KCNQ5: variants seen among roughly 807,000 people sequenced by gnomAD.
The protein encoded by KCNQ5 is potassium voltage-gated channel subfamily KQT member 5.
A neutral mutation model predicts 98.2 loss-of-function variants in KCNQ5; 30 were observed. The observed-to-expected ratio is 0.31, with a 90% CI of 0.23 to 0.41. The LOEUF is 0.41. Ranked by LOEUF, KCNQ5 falls within the 10% of genes least tolerant of loss-of-function variation. The pLI is 1.00. For synonymous variants in KCNQ5, 458 were observed against 449.4 expected (o/e 1.02, Z -0.24); for missense variants, 835 against 1,182.5 (o/e 0.71, Z 4.31).
chr6:72,971,170 C>T (rs1336566865), intron 1 of KCNQ5, among the ~76,000 whole-genome samples: 1 of 152,178 alleles, frequency 6.6e-6, no homozygotes, highest in Non-Finnish European at 1.5e-5. Flanking sequence ...ACAACCCCAT[C>T]AACATGTGGG....
chr6:72,710,263 C>T (rs1324171108), intron 1 of KCNQ5, among the ~76,000 whole-genome samples: 1 of 152,182 alleles, frequency 6.6e-6, no homozygotes, highest in Non-Finnish European at 1.5e-5. Flanking sequence ...ATTTATTTAA[C>T]TCTCAATGTA....
At chr6:72,843,962 C>T (rs1776913262) in intron 1 of KCNQ5, among the ~76,000 whole-genome samples, 1 of 152,072 alleles carries the variant, frequency 6.6e-6, no homozygotes, top group African/African-American at 2.4e-5. Flanking sequence ...ACAATGAGAA[C>T]ACATGGACAC....
At chr6:73,184,570 C>T (rs1778503166) in intron 11 of KCNQ5, among the ~76,000 whole-genome samples, 1 of 152,128 alleles carries the variant, frequency 6.6e-6, no homozygotes, top group African/African-American at 2.4e-5. Context: ...TAATACTTGC[C>T]AGGGATTATG....
chr6:73,000,469 GA>G (rs891712443), intron 1 of KCNQ5, among the ~76,000 whole-genome samples: 8 of 151,950 alleles, frequency 5.3e-5, no homozygotes, highest in African/African-American at 7.2e-5. Context: ...TTTCTAGGGG[GA>G]AAAAAATACT....
In KCNQ5 at chr6:72,705,681, T is replaced by A. The variant is rs567870444; in HGVS notation, c.398+83094T>A. On this transcript the variant is annotated intron_variant, in intron 1 of 13. Transcript: ENST00000370398. ...TGTAATCTCTTCCCCTGTAGGATTT[T>A]GTGGTCCCTTTAAAAAATAAGGTAG... Among the ~76,000 whole-genome samples, 130 of 152,144 alleles carry A rather than the reference T, an allele frequency of 8.5e-4. 1 individual carries two copies. The highest frequency in any genetic ancestry group is 3.0e-3 in the African/African-American group (124 of 41,550).
chr6:73,182,071 C>T (rs1778419955), intron 11 of KCNQ5, among the ~76,000 whole-genome samples: 2 of 152,170 alleles, frequency 1.3e-5, no homozygotes, highest in Non-Finnish European at 2.9e-5. Context: ...TCTGCTTCTT[C>T]CCCAGGCCAG....
chr6:72,714,664 C>T (rs1769549797), intron 1 of KCNQ5, among the ~76,000 whole-genome samples: 2 of 152,194 alleles, frequency 1.3e-5, no homozygotes, highest in Admixed American at 1.3e-4. Flanking sequence ...AGTGCTTTCA[C>T]TGATGACCAT....
At position 72,622,203 on chromosome 6, in the gene KCNQ5, A is replaced by G; in HGVS notation, c.14A>G (p.His5Arg). 2 of 1,225,184 alleles carry G rather than the reference A, an allele frequency of 1.6e-6. No individual in the cohort carries two copies. Among genetic ancestry groups the G allele is most frequent in the Non-Finnish European group, 2.0e-6 (2 of 984,150 alleles). 75.9% of individuals were successfully genotyped at this position (1,225,184 alleles called of 1,614,324 possible). Residue 5 changes from histidine (H) to arginine (R), a missense_variant, in exon 1 of 14, where the codon CAC (histidine) becomes CGC (arginine). Physicochemically the swap from His to Arg is conservative, Grantham distance 29 (BLOSUM62 0). Coordinates refer to ENST00000370398, the MANE Select transcript of KCNQ5 (RefSeq NM_019842.4). The surrounding 1 kb of genome is among the most constrained non-coding windows in gnomAD (Gnocchi z 6.0). The stretch of plus-strand genomic sequence containing the variant: ...CGTGGTGATGCCATGCCCCGCCACC[A>G]CGCGGGAGGAGAGGAGGGCGGCGCC... MPRH[H>R]AGGEEGGAAG...
rs563002000 is a variant in KCNQ5, at chr6:72,709,424, A to G, written c.398+86837A>G. Reference sequence around the variant, plus strand: ...TATTTCTAGAAATATAAATTCTGTCATTCTCTTTTCTCCTGTAATTTACAT... The same window carrying G: ...TATTTCTAGAAATATAAATTCTGTCGTTCTCTTTTCTCCTGTAATTTACAT... On this transcript the variant is annotated intron_variant, in intron 1 of 13. Coordinates refer to ENST00000370398, the MANE Select transcript of KCNQ5 (RefSeq NM_019842.4). 1.8e-4 allele frequency among the ~76,000 whole-genome samples: 28 copies of G among 152,326 alleles called. No homozygotes were observed. In the East Asian group the frequency reaches 4.6e-3, roughly 25 times the overall value.
intron 1 of KCNQ5, among the ~76,000 whole-genome samples, chr6:72,626,269 G>C (rs2098917946): frequency 6.6e-6 from 1 of 152,246 alleles, no homozygotes; most frequent in Non-Finnish European, 1.5e-5. Context: ...CTTCAAAGGG[G>C]AAGTGAGGTG....
intron 1 of KCNQ5, among the ~76,000 whole-genome samples, chr6:72,943,540 A>G (rs1766402761): frequency 6.6e-6 from 1 of 152,234 alleles, no homozygotes; most frequent in African/African-American, 2.4e-5. Flanking sequence ...TCCAGTCAAG[A>G]AGTGTCAAAT....
chr6:72,638,679 A>G lies in KCNQ5; in HGVS notation c.398+16092A>G, dbSNP rs138533905. ...TTGTTGATTCAAATTCCCTTTCCAC[A>G]CTGCAATCTTAGTATAGATTTCTGG... On this transcript the variant is annotated intron_variant, in intron 1 of 13. Coordinates refer to ENST00000370398, the MANE Select transcript of KCNQ5 (RefSeq NM_019842.4). Among the ~76,000 whole-genome samples, 9 of 152,186 alleles carry G rather than the reference A, an allele frequency of 5.9e-5. No individual in the cohort carries two copies. The East Asian group carries it at 1.5e-3, about 26-fold the overall frequency.
intron 1 of KCNQ5, among the ~76,000 whole-genome samples, chr6:72,970,934 C>T (rs866458804): frequency 4.6e-5 from 7 of 152,346 alleles, no homozygotes; most frequent in African/African-American, 1.7e-4. Flanking sequence ...AGGGCATAGG[C>T]ATGGGCAAGG....
intron 3 of KCNQ5, among the ~76,000 whole-genome samples, chr6:73,070,866 C>T (rs1028192340): frequency 2.0e-5 from 3 of 152,184 alleles, no homozygotes; most frequent in African/African-American, 4.8e-5. Context: ...AAGCACATAT[C>T]TGTGGTAGAC....
At chr6:72,852,732 A>AT (rs1236022728) in intron 1 of KCNQ5, among the ~76,000 whole-genome samples, 2 of 145,920 alleles carry the variant, frequency 1.4e-5, no homozygotes, top group Admixed American at 6.9e-5. Context: ...AGATAAAATA[A>AT]TTTTTTAGGA....
intron 3 of KCNQ5, among the ~76,000 whole-genome samples, chr6:73,050,428 A>C (rs1772181557): frequency 6.6e-6 from 1 of 152,174 alleles, no homozygotes; most frequent in East Asian, 1.9e-4. Context: ...ATAACTTTAG[A>C]CTTACTTAGA....
At chr6:72,896,150 A>T (rs945111992) in intron 1 of KCNQ5, among the ~76,000 whole-genome samples, 1 of 152,238 alleles carries the variant, frequency 6.6e-6, no homozygotes, top group Non-Finnish European at 1.5e-5. Flanking sequence ...GGAGGTCACA[A>T]TGTAGTTGAA....
chr6:72,949,722 G>C (rs1766711778), intron 1 of KCNQ5, among the ~76,000 whole-genome samples: 1 of 152,108 alleles, frequency 6.6e-6, no homozygotes, highest in Non-Finnish European at 1.5e-5. Context: ...TTCTGCAATA[G>C]TTAATAAATC....
At chr6:72,661,978 G>A (rs1278038960) in intron 1 of KCNQ5, among the ~76,000 whole-genome samples, 2 of 152,072 alleles carry the variant, frequency 1.3e-5, no homozygotes, top group African/African-American at 4.8e-5. Flanking sequence ...TGATAGAGGT[G>A]GCGCAGTGCT....
Sources: gnomAD v4.1 joint callset for allele counts (sites outside exome capture counted in the v4.1 genomes callset) on GRCh38, gnomAD v4.1.1 for gene constraint, Gnocchi (gnomAD v3.1) non-coding constraint, MANE v1.5 for transcripts, NCBI Gene and HGNC (gene_info 2026-07-23, HGNC 2026-07-21) for gene names.